TRMT6: variants seen among roughly 807,000 people sequenced by gnomAD.
The protein encoded by TRMT6 is tRNA (adenine(58)-N(1))-methyltransferase non-catalytic subunit TRM6.
In TRMT6, 34 loss-of-function variants were observed where a neutral mutation model predicts 59.0. The observed-to-expected ratio is 0.58, with a 90% confidence interval of 0.44 to 0.77. The LOEUF (loss-of-function observed/expected upper bound fraction) is 0.77, where lower values mean the gene tolerates loss of function less well. Ranked by LOEUF, TRMT6 falls within the 30% of genes least tolerant of loss-of-function variation. TRMT6 has a pLI of 0.00. For missense variants in TRMT6, 575 were observed against 604.5 expected (o/e 0.95, Z 0.51); for synonymous variants, 217 against 210.5 (o/e 1.03, Z -0.27).
At chr20:5,942,257 T>C in intron 7 of TRMT6, 171 bp downstream of exon 7, 1 of 757,080 alleles carries the variant, frequency 1.3e-6, no homozygotes. Context: ...TAAAGCTCCA[T>C]CCCGAAGACC....
chr20:5,946,483 T>C lies in TRMT6; in HGVS notation c.179A>G (p.His60Arg), dbSNP rs774020463. The change falls in exon 2 of 11, where the codon CAT becomes CGT. Residue 60 changes from histidine (H) to arginine (R), a missense_variant. Coordinates refer to ENST00000203001, the MANE Select transcript of TRMT6 (RefSeq NM_015939.5). ...CACTTCAAATGCAGTTCCATAACTA[T>C]GGCCAATGACGTTATCCAGGTAGAA... ...QWFYLDNVIG[H>R]SYGTAFEVTS... is the part of the protein sequence containing the mutation. The C allele has an allele frequency of 5.6e-6, 9 of 1,614,074 alleles. No individual in the cohort carries two copies. In the East Asian group the frequency reaches 6.7e-5, roughly 12 times the overall value.
intron 1 of TRMT6, among the ~76,000 whole-genome samples, chr20:5,948,019 G>A (rs924571525): frequency 3.9e-5 from 6 of 152,162 alleles, no homozygotes; most frequent in African/African-American, 1.4e-4. Flanking sequence ...TACTGAGGAG[G>A]CTGAGGTGGA....
chr20:5,944,962 G>T, intron 2 of TRMT6, 48 bp from the exon 3 acceptor site: 1 of 1,466,734 alleles, frequency 6.8e-7, no homozygotes, highest in South Asian at 1.1e-5. Context: ...GAAATTATTT[G>T]ACACTTTCTT....
intron 10 of TRMT6, among the ~76,000 whole-genome samples, chr20:5,940,365 G>C (rs1343964684): frequency 6.6e-6 from 1 of 152,200 alleles, no homozygotes; most frequent in African/African-American, 2.4e-5. Context: ...CTGGCAGAGA[G>C]GAAAGGGCCA....
chr20:5,943,562 C>A lies in TRMT6; in HGVS notation c.664G>T (p.Gly222Ter). 7 of 1,614,030 alleles carry A rather than the reference C, an allele frequency of 4.3e-6. No individual in the cohort carries two copies. The highest frequency in any genetic ancestry group is 1.3e-5 in the African/African-American group (1 of 75,050). ...LVLGAMMERMGGFGSIIQLYP... is the reference protein window; with the variant it reads ...LVLGAMMERM Reference sequence around the variant, plus strand: ...AAATGGAAATATTAAATCTTACCTCCCATTCGTTCCATCATTGCACCCAGC... The same window carrying A: ...AAATGGAAATATTAAATCTTACCTCACATTCGTTCCATCATTGCACCCAGC... The change falls in exon 6 of 11, where the codon GGA becomes TGA. Residue 222 changes from glycine to a stop codon, truncating the protein, a stop_gained. Transcript: ENST00000203001. LOFTEE classifies it high-confidence loss of function.
At chr20:5,944,778 C>T (rs1173141711) in intron 3 of TRMT6, 27 bp downstream of exon 3, 10 of 1,583,938 alleles carry the variant, frequency 6.3e-6, no homozygotes, top group East Asian at 2.2e-5. Context: ...CAGACAAAAA[C>T]AAAACTAAAA....
At chr20:5,945,884 G>C (rs1016560259) in intron 2 of TRMT6, among the ~76,000 whole-genome samples, 1 of 152,122 alleles carries the variant, frequency 6.6e-6, no homozygotes, top group Non-Finnish European at 1.5e-5. Context: ...ACACTATTCA[G>C]AACTTCCTAT....
chr20:5,946,684 A>C, intron 1 of TRMT6, 151 bp from the exon 2 acceptor site: 1 of 725,750 alleles, frequency 1.4e-6, no homozygotes, highest in Non-Finnish European at 2.2e-6. Flanking sequence ...ACTAGAGAGA[A>C]CCTGGTTGGG....
chr20:5,942,787 C>G lies in TRMT6; in HGVS notation c.668-1G>C. ...TATAGCTGAATAATGGAGCCAAAAC[C>G]TGAACAGATAAAAGAAACAAACATC... On this transcript the variant is annotated splice_acceptor_variant, in intron 6 of 10. Transcript: ENST00000203001. LOFTEE classifies it high-confidence loss of function. 1 of 1,608,898 alleles carries G rather than the reference C, an allele frequency of 6.2e-7. No homozygotes were observed. Among genetic ancestry groups the G allele is most frequent in the South Asian group, 1.1e-5 (1 of 90,940 alleles).
chr20:5,944,849 GAGTA>G lies in TRMT6; in HGVS notation c.318_321del (p.Thr107LysfsTer4). The G allele has an allele frequency of 6.2e-7, 1 of 1,613,900 alleles. No individual in the cohort carries two copies. Among genetic ancestry groups the G allele is most frequent in the Non-Finnish European group, 8.5e-7 (1 of 1,179,900 alleles). On this transcript the variant is annotated frameshift_variant, in exon 3 of 11. Coordinates refer to ENST00000203001, the MANE Select transcript of TRMT6 (RefSeq NM_015939.5). LOFTEE classifies it high-confidence loss of function. Reference sequence around the variant, plus strand: ...TCCTTCAAAGCTTTTATGTCATCTTGAGTAAGTTTCTGAGATTTCCCATCATCAA... The same window carrying G: ...TCCTTCAAAGCTTTTATGTCATCTTGAGTTTCTGAGATTTCCCATCATCAA...
intron 8 of TRMT6, chr20:5,941,742 T>C: frequency 1.7e-6 from 1 of 587,024 alleles, no homozygotes; most frequent in Non-Finnish European, 3.0e-6. Flanking sequence ...ATGGAGAAGA[T>C]TCAATTTCTT....
chr20:5,941,663 T>C, intron 8 of TRMT6: 1 of 539,486 alleles, frequency 1.9e-6, no homozygotes, highest in Non-Finnish European at 3.3e-6. Context: ...TGTTATAGCC[T>C]GTATCGCAGC....
At chr20:5,939,858 G>C (rs547692650) in intron 10 of TRMT6, among the ~76,000 whole-genome samples, 38 of 152,286 alleles carry the variant, frequency 2.5e-4, no homozygotes, top group African/African-American at 8.9e-4. Flanking sequence ...AAGACACCAA[G>C]CAATGAGACG....
At chr20:5,945,113 T>C (rs2088694477) in intron 2 of TRMT6, among the ~76,000 whole-genome samples, 199 bp from the exon 3 acceptor site, 1 of 152,188 alleles carries the variant, frequency 6.6e-6, no homozygotes, top group Non-Finnish European at 1.5e-5. Context: ...CTTGCCCCCC[T>C]ACTATCCACC....
rs964427632 is a variant in TRMT6 at position 5,944,745 on chromosome 20, C to G, written c.366+60G>C. The G allele has an allele frequency of 5.1e-6, 7 of 1,361,718 alleles. No homozygotes were observed. The Admixed American group carries it at 1.3e-4, about 25-fold the overall frequency. 84.4% of individuals were successfully genotyped at this position (1,361,718 alleles called of 1,614,324 possible). A position where few individuals can be genotyped will look rare whatever the true frequency, so the allele number is the denominator to read the frequency against. ...CTTAGGTACAGTCTGCTTTAAAAAC[C>G]CAACAGTTTCCTAAATGCCAAACAG... On this transcript the variant is annotated intron_variant, in intron 3 of 10. Transcript: ENST00000203001.
At chr20:5,944,121 A>T (rs1052501735) in intron 4 of TRMT6, 41 bp downstream of exon 4, 2 of 1,361,198 alleles carry the variant, frequency 1.5e-6, no homozygotes, top group African/African-American at 1.5e-5. Flanking sequence ...AACATATAAG[A>T]AGTTTAATAT....
Position 5,950,273 on chromosome 20 carries a change from C to T in TRMT6, c.128+5G>A. ...GAGACCCCTAAAATCAGCGATCTGACTTACTTTCTCCGCTGGACTTGTACT... is the reference window on the plus strand; with the variant it reads ...GAGACCCCTAAAATCAGCGATCTGATTTACTTTCTCCGCTGGACTTGTACT... On this transcript the variant is annotated splice_donor_5th_base_variant and intron_variant, in intron 1 of 10. Coordinates refer to ENST00000203001, the MANE Select transcript of TRMT6 (RefSeq NM_015939.5). The T allele has an allele frequency of 6.2e-7, 1 of 1,603,218 alleles. No individual in the cohort carries two copies. The highest frequency in any genetic ancestry group is 1.1e-5 in the South Asian group (1 of 90,536).
chr20:5,945,669 T>C (rs1053763797), intron 2 of TRMT6, among the ~76,000 whole-genome samples: 1 of 152,210 alleles, frequency 6.6e-6, no homozygotes, highest in Non-Finnish European at 1.5e-5. Context: ...TGGATATTAA[T>C]TTAAATGTAT....
At position 5,942,674 on chromosome 20, in the gene TRMT6, G is replaced by A; in HGVS notation, c.780C>T (p.Asn260=). ...FLSGLYEFPL[N]KVDSLLHGTF... ...TTCCATGTAGAAGACTGTCCACTTT[G>A]TTGAGAGGGAATTCATAAAGACCAC... Residue 260 remains asparagine, a synonymous_variant, in exon 7 of 11, where the codon AAC becomes AAT. Transcript: ENST00000203001. 6.2e-7 allele frequency: 1 copy of A among 1,614,116 alleles called. No individual in the cohort carries two copies. Among genetic ancestry groups the A allele is most frequent in the Non-Finnish European group, 8.5e-7 (1 of 1,180,002 alleles).
Sources: gnomAD v4.1 joint callset for allele counts (sites outside exome capture counted in the v4.1 genomes callset) on GRCh38, gnomAD v4.1.1 for gene constraint, MANE v1.5 for transcripts, NCBI Gene and HGNC (gene_info 2026-07-23, HGNC 2026-07-21) for gene names.